Variants in SLIT3 observed in about 807,000 individuals in gnomAD.
The protein encoded by SLIT3 is slit guidance ligand 3, also known as slit homolog 3 protein.
SLIT3 carries 68 observed loss-of-function variants against 184.0 expected under a neutral mutation model. That is an observed-to-expected ratio of 0.37 (90% CI 0.30 to 0.45). SLIT3 has a LOEUF of 0.45. SLIT3 is among the 20% of genes least tolerant of loss of function. The probability of loss-of-function intolerance (pLI) is 1.00; values close to 1 mark genes in which losing one functional copy is unlikely to be tolerated. For missense variants in SLIT3, 1,707 were observed against 2,026.0 expected (o/e 0.84, Z 3.02); for synonymous variants, 831 against 828.6 (o/e 1.00, Z -0.05).
At chr5:169,237,904 G>A in intron 3 of SLIT3, among the ~76,000 whole-genome samples, 1 of 152,054 alleles carries the variant, frequency 6.6e-6, no homozygotes, top group Non-Finnish European at 1.5e-5. Flanking sequence ...CTTCAATTTT[G>A]TGTAAGATGT....
intron 1 of SLIT3, among the ~76,000 whole-genome samples, chr5:169,257,533 C>CTTTTTTTTTTTTTT (rs1157258489): frequency 1.2e-5 from 1 of 80,908 alleles, no homozygotes; most frequent in Non-Finnish European, 2.2e-5. Flanking sequence ...TCTATGCCTC[C>CTTTTTTTTTTTTTT]TTTTTTTTTT....
At chr5:169,244,153 C>T (rs1415424362) in intron 3 of SLIT3, among the ~76,000 whole-genome samples, 2 of 152,244 alleles carry the variant, frequency 1.3e-5, no homozygotes, top group Non-Finnish European at 2.9e-5. Flanking sequence ...ACTGGCAATG[C>T]ATTCTCTCGT....
intron 4 of SLIT3, among the ~76,000 whole-genome samples, chr5:169,011,431 G>T (rs760059571): frequency 1.3e-5 from 2 of 152,180 alleles, no homozygotes; most frequent in Non-Finnish European, 2.9e-5. Context: ...CAGGCCAGGT[G>T]ACACCCATCT....
At chr5:168,811,318 C>T (rs536652542) in intron 8 of SLIT3, among the ~76,000 whole-genome samples, 2 of 152,300 alleles carry the variant, frequency 1.3e-5, no homozygotes, top group South Asian at 4.1e-4. Context: ...CCTCATAAAA[C>T]CCATGATTTA....
At chr5:169,033,961 C>T (rs920400895) in intron 4 of SLIT3, among the ~76,000 whole-genome samples, 3 of 151,764 alleles carry the variant, frequency 2.0e-5, no homozygotes, top group African/African-American at 7.3e-5. Context: ...TACAGGTGTC[C>T]ACCACCACGC....
intron 2 of SLIT3, among the ~76,000 whole-genome samples, chr5:169,246,921 CAAAAAAAAAAAA>C (rs34365189): frequency 5.9e-4 from 15 of 25,606 alleles, no homozygotes; most frequent in African/African-American, 1.2e-3. Flanking sequence ...GACTCTGTCT[CAAAAAAAAAAAA>C]AAAAAAAAAA....
Position 168,748,348 on chromosome 5 carries a change from C to G in SLIT3, c.2224G>C (p.Gly742Arg). The change falls in exon 20 of 36, where the codon GGG becomes CGG. Residue 742 changes from glycine (G) to arginine (R), a missense_variant. Gly to Arg is a moderately radical substitution (Grantham distance 125). This residue lies in a region of SLIT3 where 1,307 missense variants were observed against 1,511.6 expected (regional missense o/e 0.86). Coordinates refer to ENST00000519560, the MANE Select transcript of SLIT3 (RefSeq NM_003062.4). ...METVVRCSNK[G>R]LRALPRGMPK... ...ATGCCTCTGGGGAGGGCGCGGAGCC[C>G]CTTGTTGCTGCATCGCACCACTGTC... is the stretch of plus-strand genomic sequence containing the variant. The G allele has an allele frequency of 2.0e-6, 3 of 1,498,008 alleles. No individual in the cohort carries two copies. Among genetic ancestry groups the G allele is most frequent in the Non-Finnish European group, 2.7e-6 (3 of 1,130,564 alleles). The allele number at this position is 1,498,008 out of a possible 1,614,324, so 92.8% of individuals were successfully genotyped here. A position where few individuals can be genotyped will look rare whatever the true frequency, so the allele number is the denominator to read the frequency against.
At chr5:169,004,717 G>T (rs1457423336) in intron 4 of SLIT3, among the ~76,000 whole-genome samples, 1 of 152,042 alleles carries the variant, frequency 6.6e-6, no homozygotes, top group Non-Finnish European at 1.5e-5. Context: ...CCTTTGGGAA[G>T]GAATTAGGTA....
chr5:169,254,779 T>C (rs1765892440), intron 1 of SLIT3, among the ~76,000 whole-genome samples: 4 of 152,224 alleles, frequency 2.6e-5, no homozygotes, highest in African/African-American at 9.6e-5. Context: ...CAGCCCTGGC[T>C]TGAGTCTTTC....
chr5:169,114,043 A>T (rs1013719985), intron 4 of SLIT3, among the ~76,000 whole-genome samples: 3 of 152,148 alleles, frequency 2.0e-5, no homozygotes, highest in Non-Finnish European at 4.4e-5. Flanking sequence ...AGCTACTGTT[A>T]CGATTAGGGA....
chr5:169,097,844 G>A lies in SLIT3; in HGVS notation c.413+95635C>T, dbSNP rs182013355. On this transcript the variant is annotated intron_variant, in intron 4 of 35. Transcript: ENST00000519560. Reference sequence around the variant, plus strand: ...TCCAAACCCTGCTCCCCAGGCACAAGTTGGAGGATCAAGTGCATTTTCCAG... The same window carrying A: ...TCCAAACCCTGCTCCCCAGGCACAAATTGGAGGATCAAGTGCATTTTCCAG... Among the ~76,000 whole-genome samples, 11 of 152,334 alleles carry A rather than the reference G, an allele frequency of 7.2e-5. No individual in the cohort carries two copies. In the South Asian group the frequency reaches 1.0e-3, roughly 14 times the overall value.
At chr5:169,102,181 G>T (rs1418332038) in intron 4 of SLIT3, among the ~76,000 whole-genome samples, 1 of 152,186 alleles carries the variant, frequency 6.6e-6, no homozygotes, top group Non-Finnish European at 1.5e-5. Flanking sequence ...CTGGCTAAAA[G>T]GAAACATGTG....
intron 1 of SLIT3, among the ~76,000 whole-genome samples, chr5:169,291,659 G>A (rs532024064): frequency 1.3e-5 from 2 of 152,294 alleles, no homozygotes; most frequent in Non-Finnish European, 2.9e-5. Flanking sequence ...TTGATGCTTT[G>A]CCTCGAACAG....
At chr5:168,776,065 T>C (rs1319160735) in intron 12 of SLIT3, among the ~76,000 whole-genome samples, 1 of 152,220 alleles carries the variant, frequency 6.6e-6, no homozygotes, top group East Asian at 1.9e-4. Flanking sequence ...AATTTTACTT[T>C]CGAGGCTGGT....
chr5:168,711,523 CTGT>C (rs1762559343), intron 24 of SLIT3, among the ~76,000 whole-genome samples: 1 of 150,782 alleles, frequency 6.6e-6, no homozygotes, highest in Non-Finnish European at 1.5e-5. Context: ...ACTAGAAATT[CTGT>C]TTTTTTTTTT....
chr5:168,832,091 T>A (rs1474513171), intron 6 of SLIT3, among the ~76,000 whole-genome samples: 1 of 152,204 alleles, frequency 6.6e-6, no homozygotes, highest in Non-Finnish European at 1.5e-5. Context: ...CTTCCAATGA[T>A]GGAGTTTATT....
At chr5:169,297,742 C>A (rs1767556099) in intron 1 of SLIT3, among the ~76,000 whole-genome samples, 2 of 152,150 alleles carry the variant, frequency 1.3e-5, no homozygotes, top group Non-Finnish European at 1.5e-5. Context: ...CATTGAAGTG[C>A]TGGTTTTCTT....
intron 4 of SLIT3, among the ~76,000 whole-genome samples, chr5:169,132,946 T>C (rs1761359936): frequency 6.6e-6 from 1 of 152,242 alleles, no homozygotes; most frequent in Non-Finnish European, 1.5e-5. Flanking sequence ...GTATTATTTT[T>C]ATTTTCAAGC....
chr5:169,227,895 T>G (rs1303140606), intron 3 of SLIT3, among the ~76,000 whole-genome samples: 1 of 152,204 alleles, frequency 6.6e-6, no homozygotes, highest in Non-Finnish European at 1.5e-5. Context: ...TAGCCTGTGC[T>G]CCTCATCTTC....
Sources: allele counts gnomAD v4.1 joint callset (sites outside exome capture counted in the v4.1 genomes callset), GRCh38; gene constraint gnomAD v4.1.1; regional missense constraint gnomAD v4.1.1; transcripts MANE v1.5; gene names NCBI Gene and HGNC (gene_info 2026-07-23, HGNC 2026-07-21).